The following IQCM variants were observed in gnomAD, a reference collection of about 807,000 sequenced individuals.
The protein encoded by IQCM is IQ domain-containing protein M.
Under a neutral mutation model 57.6 loss-of-function variants are expected in IQCM, and 45 were observed. The observed-to-expected ratio is 0.78, with a 90% CI of 0.62 to 1.00. The LOEUF is 1.00. Ranked by LOEUF, IQCM falls within the 50% of genes least tolerant of loss-of-function variation. The pLI is 0.00. For missense variants in IQCM, 468 were observed against 511.6 expected (o/e 0.91, Z 0.82); for synonymous variants, 148 against 158.9 (o/e 0.93, Z 0.51).
intron 10 of IQCM, among the ~76,000 whole-genome samples, chr4:149,560,081 C>A (rs1199876478): frequency 6.6e-6 from 1 of 152,128 alleles, no homozygotes; most frequent in African/African-American, 2.4e-5. Flanking sequence ...GTCCCTGGCA[C>A]CAAAAAGGTT....
chr4:149,568,472 A>G (rs897125597), intron 9 of IQCM, among the ~76,000 whole-genome samples: 6 of 152,122 alleles, frequency 3.9e-5, no homozygotes, highest in African/African-American at 4.8e-5. Flanking sequence ...TTTTGGCCTA[A>G]GTTGAATATA....
rs562612733 is a variant in IQCM at position 149,569,744 on chromosome 4, A to C, written c.750-5854T>G. 4.9e-4 allele frequency among the ~76,000 whole-genome samples: 74 copies of C among 152,264 alleles called. 1 individual carries two copies. The South Asian group carries it at 0.015, about 32-fold the overall frequency. ...CTGACATCATAACCATGAACCTGTTAGACTAAGCAAAAGAACTGATTCGGG... is the reference window on the plus strand; with the variant it reads ...CTGACATCATAACCATGAACCTGTTCGACTAAGCAAAAGAACTGATTCGGG... On this transcript the variant is annotated intron_variant, in intron 9 of 13. Coordinates refer to ENST00000636793, the MANE Select transcript of IQCM (RefSeq NM_001363507.2).
At chr4:149,374,589 G>A (rs964663044) in intron 13 of IQCM, among the ~76,000 whole-genome samples, 1 of 152,066 alleles carries the variant, frequency 6.6e-6, no homozygotes, top group Non-Finnish European at 1.5e-5. Context: ...TATTTTGATA[G>A]AAAAAGAAAT....
At chr4:149,665,683 A>G (rs1040708449) in intron 7 of IQCM, among the ~76,000 whole-genome samples, 5 of 152,106 alleles carry the variant, frequency 3.3e-5, no homozygotes, top group Admixed American at 3.3e-4. Flanking sequence ...ACTCTCATTC[A>G]CCTTATTGAG....
chr4:149,812,903 T>C (rs567292927), intron 2 of IQCM, among the ~76,000 whole-genome samples: 1 of 152,286 alleles, frequency 6.6e-6, no homozygotes, highest in African/African-American at 2.4e-5. Context: ...CATTTTACTT[T>C]GTTGTAATAG....
intron 11 of IQCM, among the ~76,000 whole-genome samples, chr4:149,550,172 T>G (rs971540691): frequency 3.3e-5 from 5 of 152,056 alleles, no homozygotes; most frequent in Admixed American, 3.3e-4. Context: ...CTCAGGGGAG[T>G]TGGTTGATAA....
intron 13 of IQCM, among the ~76,000 whole-genome samples, chr4:149,378,558 T>C (rs1377088743): frequency 1.3e-5 from 2 of 152,106 alleles, no homozygotes; most frequent in African/African-American, 4.8e-5. Context: ...TTTTTTGAGA[T>C]TTGTCTGACT....
intron 2 of IQCM, among the ~76,000 whole-genome samples, chr4:149,745,172 A>G (rs767529603): frequency 3.9e-5 from 6 of 152,130 alleles, no homozygotes; most frequent in Non-Finnish European, 5.9e-5. Context: ...GAAATAGTAC[A>G]AGCAAAGGCA....
rs1039049228 is a variant in IQCM, at chr4:149,571,154, A to G, written c.750-7264T>C. 3.9e-5 allele frequency among the ~76,000 whole-genome samples: 6 copies of G among 152,116 alleles called. No homozygotes were observed. The East Asian group carries it at 5.8e-4, about 15-fold the overall frequency. On this transcript the variant is annotated intron_variant, in intron 9 of 13. Coordinates refer to ENST00000636793, the MANE Select transcript of IQCM (RefSeq NM_001363507.2). ...TATCCCACTCCTGGGTACACATCCAAAGGAAATGAAATCAGTTTGTCAGAG... is the reference window on the plus strand; with the variant it reads ...TATCCCACTCCTGGGTACACATCCAGAGGAAATGAAATCAGTTTGTCAGAG...
chr4:149,514,550 A>T (rs1744746375), intron 12 of IQCM: 1 of 152,230 alleles, frequency 6.6e-6, no homozygotes, highest in Non-Finnish European at 1.5e-5. Context: ...CATATCAATG[A>T]TAAACATTTA....
chr4:149,566,277 G>A (rs1750625048), intron 9 of IQCM, among the ~76,000 whole-genome samples: 1 of 152,154 alleles, frequency 6.6e-6, no homozygotes, highest in Non-Finnish European at 1.5e-5. Context: ...GAAATAAGAG[G>A]ACTGTTATAG....
chr4:149,592,597 C>A (rs1753308476), intron 8 of IQCM, among the ~76,000 whole-genome samples: 1 of 151,754 alleles, frequency 6.6e-6, no homozygotes, highest in Admixed American at 6.6e-5. Flanking sequence ...TTAGGTCTAA[C>A]ATTTAAGTCT....
At chr4:149,488,621 A>T (rs928113517) in intron 12 of IQCM, among the ~76,000 whole-genome samples, 14 of 152,164 alleles carry the variant, frequency 9.2e-5, no homozygotes, top group African/African-American at 3.1e-4. Flanking sequence ...AAAAGTGTAA[A>T]AACAGCGACA....
intron 7 of IQCM, among the ~76,000 whole-genome samples, chr4:149,649,157 A>G (rs1021241675): frequency 2.0e-5 from 3 of 151,902 alleles, no homozygotes; most frequent in Non-Finnish European, 4.4e-5. Context: ...TTCCTCAGCA[A>G]CAAAGAATCC....
intron 7 of IQCM, among the ~76,000 whole-genome samples, chr4:149,658,522 T>C (rs907273083): frequency 1.3e-5 from 2 of 152,152 alleles, no homozygotes; most frequent in African/African-American, 4.8e-5. Flanking sequence ...AAGATATTTT[T>C]TCTATTTATG....
At chr4:149,491,973 T>C (rs1231399682) in intron 12 of IQCM, among the ~76,000 whole-genome samples, 2 of 152,094 alleles carry the variant, frequency 1.3e-5, no homozygotes, top group East Asian at 1.9e-4. Flanking sequence ...CTGATATCAT[T>C]GTGGTTTTTA....
rs115049163 is a variant in IQCM, at chr4:149,749,732, T to C, written c.-48-6993A>G. On this transcript the variant is annotated intron_variant, in intron 2 of 13. Coordinates refer to ENST00000636793, the MANE Select transcript of IQCM (RefSeq NM_001363507.2). ...TACTTAACAGTAATTATATATACTT[T>C]ATTAATGTTTCAATATAACCTATTA... Among the ~76,000 whole-genome samples the C allele has an allele frequency of 8.5e-3, 1,295 of 152,328 alleles. 13 individuals are homozygous for C. The highest frequency in any genetic ancestry group is 0.03 in the African/African-American group (1,227 of 41,554).
chr4:149,762,672 A>C (rs1040064319), intron 2 of IQCM, among the ~76,000 whole-genome samples: 1 of 152,076 alleles, frequency 6.6e-6, no homozygotes, highest in African/African-American at 2.4e-5. Flanking sequence ...TATTTAATAA[A>C]TTTTGGGTGG....
At chr4:149,807,315 C>T (rs567895577) in intron 2 of IQCM, among the ~76,000 whole-genome samples, 50 of 151,934 alleles carry the variant, frequency 3.3e-4, no homozygotes, top group African/African-American at 1.2e-3. Flanking sequence ...ACTCCAAGAA[C>T]ATACACTGGG....
Sources: gnomAD v4.1 joint callset for allele counts (sites outside exome capture counted in the v4.1 genomes callset) on GRCh38, gnomAD v4.1.1 for gene constraint, MANE v1.5 for transcripts, NCBI Gene and HGNC (gene_info 2026-07-23, HGNC 2026-07-21) for gene names.